MYH7: variants seen among roughly 807,000 people sequenced by gnomAD.
MYH7 encodes myosin heavy chain 7.
In MYH7, 129 loss-of-function variants were observed where a neutral mutation model predicts 225.4. The ratio of observed to expected loss-of-function variants is 0.57; its 90% confidence interval spans 0.50 to 0.66. The LOEUF (loss-of-function observed/expected upper bound fraction) is 0.66. Among genes scored for constraint, MYH7 ranks in the 30% least tolerant of loss-of-function variants. MYH7 has a pLI of 0.00. For missense variants in MYH7, 1,649 were observed against 2,517.0 expected, an observed-to-expected ratio of 0.66 and a Z score of 7.38; for synonymous variants, 971 against 1,007.6, an observed-to-expected ratio of 0.96 and a Z score of 0.69.
rs397516246 is a variant in MYH7 at position 23,415,212 on chromosome 14, C to T, written c.5342G>A (p.Arg1781His). 1.7e-5 allele frequency: 27 copies of T among 1,614,240 alleles called. No individual in the cohort carries two copies. The highest frequency in any genetic ancestry group is 3.3e-5 in the South Asian group (3 of 91,092). ...GGTCTGTTCCATGTTCTTCTTCATG[C>T]GCTCCAGGTGGGCGCTGGTGTCCTG... ...KEQDTSAHLE[R>H]MKKNMEQTIK... is the part of the protein sequence containing the mutation. Residue 1781 changes from arginine (R) to histidine (H), a missense_variant, in exon 37 of 40, where the codon CGC (arginine) becomes CAC (histidine). Transcript: ENST00000355349. This position sits in a 1 kb window ranked among gnomAD's most constrained non-coding sequence, Gnocchi z 6.3.
Position 23,418,394 on chromosome 14 carries a change from G to C in MYH7, c.3985C>G (p.Leu1329Val). The C allele has an allele frequency of 6.2e-7, 1 of 1,608,250 alleles. No individual in the cohort carries two copies. Among genetic ancestry groups the C allele is most frequent in the South Asian group, 1.1e-5 (1 of 90,918 alleles). Residue 1329 changes from leucine (L) to valine (V), a missense_variant, in exon 30 of 40, where the codon CTG becomes GTG. Physicochemically the swap from Leu to Val is conservative, Grantham distance 32 (BLOSUM62 1). This residue lies in a region of MYH7 where 687 missense variants were observed against 913.8 expected (regional missense o/e 0.75). Transcript: ENST00000355349. ...LEEEVKAKNA[L>V]AHALQSARHD... Reference sequence around the variant, plus strand: ...CGGGCCGACTGCAGTGCGTGGGCCAGGGCGTTCTTCGCCTGGGGAGGGGTG... The same window carrying C: ...CGGGCCGACTGCAGTGCGTGGGCCACGGCGTTCTTCGCCTGGGGAGGGGTG...
chr14:23,426,217 T>C, intron 18 of MYH7, 136 bp from the exon 19 acceptor site: 1 of 1,044,586 alleles, frequency 9.6e-7, no homozygotes, highest in Admixed American at 2.3e-5. Flanking sequence ...CATTTTCTTC[T>C]AGCCACATTT....
intron 11 of MYH7, among the ~76,000 whole-genome samples, chr14:23,430,228 C>T (rs1414442590): frequency 6.6e-6 from 1 of 152,194 alleles, no homozygotes; most frequent in African/African-American, 2.4e-5. Flanking sequence ...CTGTCTGCAT[C>T]TGTTCACCTA....
At chr14:23,414,939 G>A in intron 37 of MYH7, 56 bp downstream of exon 37, 1 of 1,600,680 alleles carries the variant, frequency 6.2e-7, no homozygotes. Flanking sequence ...CTCCTCAGCT[G>A]GTTGTCACTG....
Position 23,417,671 on chromosome 14 carries a change from C to G in MYH7, c.4185G>C (p.Gln1395His). Residue 1395 changes from glutamine (Q) to histidine (H), a missense_variant, in exon 31 of 40, where the codon CAG becomes CAC. By Grantham distance (24) the Gln-to-His change is conservative. This residue lies in a region of MYH7 where 687 missense variants were observed against 913.8 expected (regional missense o/e 0.75). Transcript: ENST00000355349. ...CGGCCTCCTCAGCTTCCTGCAGCCG[C>G]TGGGCCAGCTTCTTCCTGCCCAGGG... ...ELEEAKKKLA[Q>H]RLQEAEEAVE... The G allele has an allele frequency of 6.2e-7, 1 of 1,612,940 alleles. No individual in the cohort carries two copies. The highest frequency in any genetic ancestry group is 8.5e-7 in the Non-Finnish European group (1 of 1,180,022).
intron 24 of MYH7, among the ~76,000 whole-genome samples, chr14:23,422,737 T>C (rs956546813): frequency 6.6e-6 from 1 of 151,540 alleles, no homozygotes; most frequent in African/African-American, 2.4e-5. Flanking sequence ...TTCAAGGGAT[T>C]ATTCTGCCTC....
At chr14:23,423,827 G>C in intron 23 of MYH7, 80 bp downstream of exon 23, 1 of 1,613,578 alleles carries the variant, frequency 6.2e-7, no homozygotes, top group Non-Finnish European at 8.5e-7. Context: ...TGGATGCCGA[G>C]TGGCTAGCCT....
chr14:23,423,861 G>C, intron 23 of MYH7, 46 bp downstream of exon 23: 1 of 1,613,654 alleles, frequency 6.2e-7, no homozygotes, highest in Non-Finnish European at 8.5e-7. Flanking sequence ...TATGGTCTGA[G>C]AGTCCTGATG....
At position 23,415,555 on chromosome 14, in the gene MYH7, T is replaced by C; in HGVS notation, c.5158-49A>G. 2 of 1,614,040 alleles carry C rather than the reference T, an allele frequency of 1.2e-6. No individual in the cohort carries two copies. Among genetic ancestry groups the C allele is most frequent in the Non-Finnish European group, 1.7e-6 (2 of 1,180,030 alleles). The stretch of plus-strand genomic sequence containing the variant: ...GAGCAGGAAAAGCATTGAGCATCTA[T>C]GCATAGCTCTCAAGCCTTGCTTGCT... On this transcript the variant is annotated intron_variant, in intron 35 of 39. Coordinates refer to ENST00000355349, the MANE Select transcript of MYH7 (RefSeq NM_000257.4). This position sits in a 1 kb window ranked among gnomAD's most constrained non-coding sequence, Gnocchi z 6.3.
chr14:23,422,776 G>A (rs998905552), intron 24 of MYH7, among the ~76,000 whole-genome samples: 7 of 151,794 alleles, frequency 4.6e-5, no homozygotes, highest in Admixed American at 6.6e-5. Flanking sequence ...GACTACAGGC[G>A]CACGCCACCA....
At chr14:23,416,366 G>A (rs755294127) in intron 33 of MYH7, 54 bp from the exon 34 acceptor site, 19 of 1,570,508 alleles carry the variant, frequency 1.2e-5, no homozygotes, top group Non-Finnish European at 1.6e-5. Context: ...CACAGGGCAG[G>A]GTGGGGGCCT....
intron 26 of MYH7, 52 bp from the exon 27 acceptor site, chr14:23,420,286 T>C: frequency 3.1e-6 from 5 of 1,588,904 alleles, no homozygotes; most frequent in Non-Finnish European, 4.3e-6. Flanking sequence ...TCCACTGGAA[T>C]CCCCCCGGCT....
intron 17 of MYH7, 30 bp from the exon 18 acceptor site, chr14:23,426,894 A>G (rs1355834529): frequency 6.3e-7 from 1 of 1,577,330 alleles, no homozygotes; most frequent in South Asian, 1.1e-5. Flanking sequence ...AGAGAAAAGT[A>G]AAGAAAATGC....
rs1892589863 is a variant in MYH7 at position 23,424,010 on chromosome 14, T to A, written c.2819A>T (p.Lys940Met). Reference sequence around the variant, plus strand: ...TGAGCACTCATCTTCCAGCTTGCGCTTCTTGGCAGTGAGCTCAGCATTCAT... The same window carrying A: ...TGAGCACTCATCTTCCAGCTTGCGCATCTTGGCAGTGAGCTCAGCATTCAT... Reference protein sequence around the residue: ...EEMNAELTAKKRKLEDECSEL... With the variant: ...EEMNAELTAKMRKLEDECSEL... Residue 940 changes from lysine to methionine, a missense_variant, in exon 23 of 40, where the codon AAG becomes ATG. Physicochemically the swap from Lys to Met is moderately conservative, Grantham distance 95. Coordinates refer to ENST00000355349, the MANE Select transcript of MYH7 (RefSeq NM_000257.4). 1 of 1,614,256 alleles carries A rather than the reference T, an allele frequency of 6.2e-7. No individual in the cohort carries two copies.
At chr14:23,431,900 A>G (rs748430907) in intron 6 of MYH7, 31 bp from the exon 7 acceptor site, 3 of 1,595,216 alleles carry the variant, frequency 1.9e-6, no homozygotes, top group Admixed American at 1.7e-5. Context: ...TGGGCAGTGA[A>G]CAATACTACT....
chr14:23,431,874 G>A lies in MYH7; in HGVS notation c.531-5C>T, dbSNP rs397516243. The A allele has an allele frequency of 5.0e-6, 8 of 1,613,510 alleles. No individual in the cohort carries two copies. Among genetic ancestry groups the A allele is most frequent in the Non-Finnish European group, 6.8e-6 (8 of 1,179,348 alleles). On this transcript the variant is annotated splice_region_variant and splice_polypyrimidine_tract_variant and intron_variant, in intron 6 of 39. Coordinates refer to ENST00000355349, the MANE Select transcript of MYH7 (RefSeq NM_000257.4). ...TTCCCTGCTCCGGATTCTCCGCTGT[G>A]AAGACAGGGGCTTATTGGGCAGTGA... is the stretch of plus-strand genomic sequence containing the variant.
chr14:23,418,516 G>C (rs45496097), intron 29 of MYH7, 110 bp from the exon 30 acceptor site: 259 of 1,292,014 alleles, frequency 2.0e-4, no homozygotes, highest in Admixed American at 8.1e-5. Context: ...CCTCATCTAT[G>C]TCCAAACCCC....
At chr14:23,429,404 G>A in intron 12 of MYH7, 57 bp from the exon 13 acceptor site, 2 of 1,517,956 alleles carry the variant, frequency 1.3e-6, no homozygotes, top group East Asian at 2.3e-5. Context: ...GGCCAGGTGT[G>A]GTGGTTCATG....
chr14:23,417,261 G>A lies in MYH7; in HGVS notation c.4411C>T (p.Gln1471Ter), dbSNP rs397516216. ...EESQSELESS[Q>*]KEARSLSTEL... ...GTGCTGAGGGAGCGAGCCTCCTTCT[G>A]CGAGGACTCCAGCTCCGACTGCGAC... The change falls in exon 32 of 40, where the codon CAG becomes TAG. Residue 1471 changes from glutamine to a stop codon, truncating the protein, a stop_gained. Transcript: ENST00000355349. LOFTEE classifies it high-confidence loss of function. 1.9e-6 allele frequency: 3 copies of A among 1,614,184 alleles called. No individual in the cohort carries two copies. The highest frequency in any genetic ancestry group is 2.5e-6 in the Non-Finnish European group (3 of 1,180,028).
Sources: allele counts gnomAD v4.1 joint callset (sites outside exome capture counted in the v4.1 genomes callset), GRCh38; gene constraint gnomAD v4.1.1; regional missense constraint gnomAD v4.1.1; non-coding constraint Gnocchi (gnomAD v3.1); transcripts MANE v1.5; gene names NCBI Gene and HGNC (gene_info 2026-07-23, HGNC 2026-07-21).